The following BRINP3 variants were observed in gnomAD, a reference collection of about 807,000 sequenced individuals.
The protein encoded by BRINP3 is BMP/retinoic acid inducible neural specific 3.
A neutral mutation model predicts 71.0 loss-of-function variants in BRINP3; 19 were observed. That is an observed-to-expected ratio of 0.27 (90% confidence interval 0.19 to 0.39). The LOEUF (loss-of-function observed/expected upper bound fraction) is 0.39, where lower values mean the gene tolerates loss of function less well. Ranked by LOEUF, BRINP3 falls within the 10% of genes least tolerant of loss-of-function variation. The pLI, the probability that BRINP3 is intolerant of heterozygous loss-of-function variation, is 1.00. For missense variants in BRINP3, 959 were observed against 940.8 expected (o/e 1.02, Z -0.25); for synonymous variants, 380 against 337.7 (o/e 1.13, Z -1.37).
Position 190,160,830 on chromosome 1 carries a change from ATAG to A in BRINP3, c.1019_1021del (p.Thr340del). On this transcript the variant is annotated inframe_deletion, in exon 7 of 8. Transcript: ENST00000367462. ...AGAATCCATTGTCCACAAATGCATT[ATAG>A]TAGATGTGTTGAGGAAATAATTCAT... The A allele has an allele frequency of 6.2e-7, 1 of 1,613,510 alleles. No homozygotes were observed. The highest frequency in any genetic ancestry group is 2.2e-5 in the East Asian group (1 of 44,828).
At chr1:190,281,093 ATTTG>A (rs1269839217) in intron 3 of BRINP3, among the ~76,000 whole-genome samples, 1 of 151,940 alleles carries the variant, frequency 6.6e-6, no homozygotes, top group East Asian at 1.9e-4. Context: ...CATCATAATT[ATTTG>A]TTTATCACTT....
At chr1:190,429,754 C>T (rs1272730156) in intron 2 of BRINP3, among the ~76,000 whole-genome samples, 2 of 152,040 alleles carry the variant, frequency 1.3e-5, no homozygotes, top group East Asian at 2.0e-4. Flanking sequence ...CCATGCTTGG[C>T]TGATTTTTGT....
At chr1:190,131,375 T>C (rs1654529994) in intron 7 of BRINP3, among the ~76,000 whole-genome samples, 1 of 151,928 alleles carries the variant, frequency 6.6e-6, no homozygotes, top group African/African-American at 2.4e-5. Flanking sequence ...ATAGTAATAA[T>C]AACGATAACC....
chr1:190,341,250 C>T (rs1480876307), intron 2 of BRINP3, among the ~76,000 whole-genome samples: 9 of 151,958 alleles, frequency 5.9e-5, no homozygotes, highest in Admixed American at 2.0e-4. Flanking sequence ...ATGGTGAACA[C>T]ACCTACAGTA....
At chr1:190,253,537 AT>A in intron 4 of BRINP3, among the ~76,000 whole-genome samples, 1 of 152,150 alleles carries the variant, frequency 6.6e-6, no homozygotes, top group Admixed American at 6.5e-5. Context: ...GGTGATGAGC[AT>A]TTTTTCATGT....
intron 2 of BRINP3, among the ~76,000 whole-genome samples, chr1:190,340,835 G>A (rs1667607343): frequency 6.6e-6 from 1 of 151,742 alleles, no homozygotes; most frequent in African/African-American, 2.4e-5. Flanking sequence ...AGAGGATCAA[G>A]AGTACCTGGA....
At chr1:190,278,394 A>T (rs1662777213) in intron 3 of BRINP3, among the ~76,000 whole-genome samples, 1 of 151,606 alleles carries the variant, frequency 6.6e-6, no homozygotes, top group South Asian at 2.1e-4. Context: ...ATGGAGAAAT[A>T]CAATTTCATG....
chr1:190,259,938 G>A (rs2102855334), intron 4 of BRINP3, among the ~76,000 whole-genome samples: 1 of 151,530 alleles, frequency 6.6e-6, no homozygotes, highest in African/African-American at 2.4e-5. Flanking sequence ...TGAGATAGGA[G>A]AACTGCTTGA....
chr1:190,444,793 C>G (rs1048236904), intron 2 of BRINP3, among the ~76,000 whole-genome samples: 7 of 152,086 alleles, frequency 4.6e-5, no homozygotes, highest in Admixed American at 1.3e-4. Context: ...CTTGGCCCCC[C>G]CAAGGTGCTG....
chr1:190,139,967 G>T (rs1170458406), intron 7 of BRINP3, among the ~76,000 whole-genome samples: 1 of 152,168 alleles, frequency 6.6e-6, no homozygotes, highest in African/African-American at 2.4e-5. Context: ...CGATAAAAAT[G>T]TAATATGACA....
chr1:190,475,223 A>T (rs1192445385), intron 1 of BRINP3, among the ~76,000 whole-genome samples: 1 of 152,210 alleles, frequency 6.6e-6, no homozygotes, highest in African/African-American at 2.4e-5. Flanking sequence ...GACAGTGATT[A>T]GGGTTTTATA....
chr1:190,133,742 T>C (rs1557995859), intron 7 of BRINP3, among the ~76,000 whole-genome samples: 2 of 152,076 alleles, frequency 1.3e-5, no homozygotes, highest in Non-Finnish European at 2.9e-5. Flanking sequence ...CATCCATATT[T>C]AAGGACATAT....
intron 6 of BRINP3, among the ~76,000 whole-genome samples, chr1:190,214,687 G>T (rs1290993440): frequency 6.6e-6 from 1 of 151,860 alleles, no homozygotes; most frequent in Non-Finnish European, 1.5e-5. Context: ...TTTGCCTTTA[G>T]GGGTTGCTGT....
At chr1:190,191,694 G>T (rs1292187129) in intron 6 of BRINP3, among the ~76,000 whole-genome samples, 1 of 151,930 alleles carries the variant, frequency 6.6e-6, no homozygotes, top group Non-Finnish European at 1.5e-5. Context: ...CCTTGCTATT[G>T]TAAATAGTGC....
intron 2 of BRINP3, among the ~76,000 whole-genome samples, chr1:190,304,039 T>A (rs755099176): frequency 2.3e-4 from 35 of 151,702 alleles, no homozygotes; most frequent in African/African-American, 3.1e-4. Flanking sequence ...TGTTTAATTT[T>A]AAAAAAATGG....
intron 2 of BRINP3, among the ~76,000 whole-genome samples, chr1:190,379,697 G>A (rs1670414335): frequency 6.6e-6 from 1 of 151,982 alleles, no homozygotes; most frequent in Non-Finnish European, 1.5e-5. Flanking sequence ...AAAGAAATCT[G>A]TAGGTTAATA....
intron 7 of BRINP3, among the ~76,000 whole-genome samples, chr1:190,156,630 A>T (rs1322930226): frequency 2.6e-5 from 4 of 152,032 alleles, no homozygotes; most frequent in African/African-American, 7.2e-5. Context: ...GGAAAATATC[A>T]AACTTCAATA....
intron 2 of BRINP3, among the ~76,000 whole-genome samples, chr1:190,360,464 T>A (rs1464532012): frequency 6.6e-6 from 1 of 152,166 alleles, no homozygotes; most frequent in African/African-American, 2.4e-5. Flanking sequence ...CTGAGGTGTA[T>A]CATGAGTAAG....
chr1:190,179,999 G>C (rs1652886802), intron 6 of BRINP3, among the ~76,000 whole-genome samples: 1 of 152,106 alleles, frequency 6.6e-6, no homozygotes, highest in Non-Finnish European at 1.5e-5. Flanking sequence ...GGTATTCCTG[G>C]TAAATAATGT....
Sources: gnomAD v4.1 joint callset for allele counts (sites outside exome capture counted in the v4.1 genomes callset) on GRCh38, gnomAD v4.1.1 for gene constraint, MANE v1.5 for transcripts, NCBI Gene and HGNC (gene_info 2026-07-23, HGNC 2026-07-21) for gene names.